Variants in GPC6 observed in about 807,000 individuals in gnomAD.
GPC6 encodes the protein glypican 6.
Under a neutral mutation model 55.2 loss-of-function variants are expected in GPC6, and 14 were observed. That is an observed-to-expected ratio of 0.25 (90% CI 0.17 to 0.40). GPC6 has a LOEUF of 0.40. Ranked by LOEUF, GPC6 falls within the 10% of genes least tolerant of loss-of-function variation. The probability of loss-of-function intolerance (pLI) is 1.00; values close to 1 mark genes in which losing one functional copy is unlikely to be tolerated. For synonymous variants in GPC6, 278 were observed against 259.6 expected (o/e 1.07, Z -0.68); for missense variants, 641 against 708.5 (o/e 0.90, Z 1.08).
At chr13:93,482,936 C>T (rs1348434282) in intron 1 of GPC6, among the ~76,000 whole-genome samples, 1 of 152,076 alleles carries the variant, frequency 6.6e-6, no homozygotes, top group Non-Finnish European at 1.5e-5. Context: ...TGTAAGTCTG[C>T]TTGCATTTTA....
intron 6 of GPC6, among the ~76,000 whole-genome samples, chr13:94,365,323 A>G (rs531721205): frequency 6.6e-6 from 1 of 152,202 alleles, no homozygotes; most frequent in Non-Finnish European, 1.5e-5. Context: ...ATTCTTAGAC[A>G]TATTTATTAG....
At chr13:93,343,005 T>A (rs1314169687) in intron 1 of GPC6, among the ~76,000 whole-genome samples, 2 of 152,192 alleles carry the variant, frequency 1.3e-5, no homozygotes, top group Non-Finnish European at 1.5e-5. Flanking sequence ...ATTCAGTCAT[T>A]GATACACACT....
chr13:93,559,547 A>G (rs961673282), intron 2 of GPC6, among the ~76,000 whole-genome samples: 5 of 152,194 alleles, frequency 3.3e-5, no homozygotes, highest in Non-Finnish European at 7.3e-5. Context: ...GATGAATACA[A>G]ACAAATTCTG....
chr13:94,004,738 T>C (rs777842769), intron 3 of GPC6, among the ~76,000 whole-genome samples: 5 of 152,108 alleles, frequency 3.3e-5, no homozygotes, highest in Non-Finnish European at 5.9e-5. Flanking sequence ...TTTGTTACAA[T>C]GCATGATGAA....
chr13:93,395,044 T>G, intron 1 of GPC6: 1 of 256,920 alleles, frequency 3.9e-6, no homozygotes, highest in Admixed American at 3.9e-5. Flanking sequence ...CCTTCATGGG[T>G]CCAAAATGTG....
At chr13:93,340,236 G>A (rs1187306622) in intron 1 of GPC6, among the ~76,000 whole-genome samples, 3 of 151,914 alleles carry the variant, frequency 2.0e-5, no homozygotes, top group Admixed American at 6.6e-5. Flanking sequence ...GGGTTTCACC[G>A]TGTTAGCCAG....
chr13:93,873,257 A>C (rs1196169927), intron 3 of GPC6, among the ~76,000 whole-genome samples: 1 of 151,966 alleles, frequency 6.6e-6, no homozygotes, highest in Non-Finnish European at 1.5e-5. Context: ...CCTAATTCTA[A>C]TTTACAAAAT....
chr13:94,231,983 T>C (rs1434921370), intron 4 of GPC6, among the ~76,000 whole-genome samples: 1 of 152,204 alleles, frequency 6.6e-6, no homozygotes, highest in Non-Finnish European at 1.5e-5. Context: ...ATTTATCTAT[T>C]GTAAACCAAC....
intron 2 of GPC6, among the ~76,000 whole-genome samples, chr13:93,570,221 T>G (rs1594276298): frequency 6.6e-6 from 1 of 152,322 alleles, no homozygotes; most frequent in East Asian, 1.9e-4. Flanking sequence ...CAGTAGAATA[T>G]GCAGCATAAA....
intron 1 of GPC6, among the ~76,000 whole-genome samples, chr13:93,542,215 G>A (rs1448572234): frequency 1.3e-5 from 2 of 152,182 alleles, no homozygotes; most frequent in Non-Finnish European, 2.9e-5. Context: ...GTGTAAGGAA[G>A]GGATCCAGTT....
chr13:93,490,500 T>G (rs9589747), intron 1 of GPC6, among the ~76,000 whole-genome samples: 2 of 116,026 alleles, frequency 1.7e-5, no homozygotes, highest in Non-Finnish European at 3.6e-5. Flanking sequence ...TTTTTTTTTC[T>G]TTTTTTTTTT....
At position 93,789,598 on chromosome 13, in the gene GPC6, CATAT is replaced by C. The variant is rs755185604; in HGVS notation, c.320-40512_320-40509del. On this transcript the variant is annotated intron_variant, in intron 2 of 8. Coordinates refer to ENST00000377047, the MANE Select transcript of GPC6 (RefSeq NM_005708.5). ...TAAATACTATATATATATAATACTA[CATAT>C]ATATATATATATATATATATATATA... 8.9e-3 allele frequency among the ~76,000 whole-genome samples: 599 copies of C among 67,404 alleles called. 1 individual carries two copies. Among genetic ancestry groups the C allele is most frequent in the Middle Eastern group, 0.013 (1 of 80 alleles). 44.2% of individuals were successfully genotyped at this position (67,404 alleles called of 152,430 possible). A position where few individuals can be genotyped will look rare whatever the true frequency, so the allele number is the denominator to read the frequency against.
At chr13:93,409,569 A>G (rs978527887) in intron 1 of GPC6, among the ~76,000 whole-genome samples, 3 of 152,144 alleles carry the variant, frequency 2.0e-5, no homozygotes, top group Admixed American at 6.6e-5. Context: ...ATAAATGAAG[A>G]ACTCTTCCCC....
chr13:93,370,496 G>T (rs567621401), intron 1 of GPC6, among the ~76,000 whole-genome samples: 10 of 152,090 alleles, frequency 6.6e-5, no homozygotes, highest in African/African-American at 2.4e-4. Context: ...AAGTACAGAA[G>T]ATCCAACTCA....
intron 3 of GPC6, among the ~76,000 whole-genome samples, chr13:93,965,788 A>G (rs1880014801): frequency 6.6e-6 from 1 of 152,204 alleles, no homozygotes; most frequent in Non-Finnish European, 1.5e-5. Flanking sequence ...AGAGGAGACC[A>G]GCAGAAAAAC....
intron 1 of GPC6, among the ~76,000 whole-genome samples, chr13:93,267,337 T>C (rs575888106): frequency 6.6e-6 from 1 of 152,116 alleles, no homozygotes; most frequent in African/African-American, 2.4e-5. Context: ...TTAAAAGCAT[T>C]GGAGCTGCTA....
At chr13:93,620,383 T>C (rs1878897684) in intron 2 of GPC6, among the ~76,000 whole-genome samples, 1 of 152,240 alleles carries the variant, frequency 6.6e-6, no homozygotes, top group South Asian at 2.1e-4. Flanking sequence ...CAGCCATGGC[T>C]GACATAATTT....
intron 4 of GPC6, among the ~76,000 whole-genome samples, chr13:94,190,267 C>A (rs985902729): frequency 6.6e-6 from 1 of 151,632 alleles, no homozygotes. Flanking sequence ...TTGCAGTGAA[C>A]CAAGATCGTG....
intron 2 of GPC6, among the ~76,000 whole-genome samples, chr13:93,822,331 A>C (rs1182894088): frequency 6.6e-6 from 1 of 152,168 alleles, no homozygotes; most frequent in Non-Finnish European, 1.5e-5. Context: ...CTTCTAGCAG[A>C]AGCCCCCGCT....
Sources: gnomAD v4.1 joint callset for allele counts (sites outside exome capture counted in the v4.1 genomes callset) on GRCh38, gnomAD v4.1.1 for gene constraint, MANE v1.5 for transcripts, NCBI Gene and HGNC (gene_info 2026-07-23, HGNC 2026-07-21) for gene names.